IGLL5: variants seen among roughly 807,000 people sequenced by gnomAD.
IGLL5 encodes the protein immunoglobulin lambda-like polypeptide 5.
A neutral mutation model predicts 20.9 loss-of-function variants in IGLL5; 30 were observed. The ratio of observed to expected loss-of-function variants is 1.44; its 90% CI spans 1.07 to 1.95. IGLL5 has a LOEUF of 1.95. Ranked by LOEUF, IGLL5 falls within the 30% of genes most tolerant of loss-of-function variation. The pLI is 0.00. For missense variants in IGLL5, 475 were observed against 270.7 expected, an observed-to-expected ratio of 1.75 and a Z score of -5.30; for synonymous variants, 203 against 117.3, an observed-to-expected ratio of 1.73 and a Z score of -4.72.
At chr22:22,890,398 C>G (rs1327672132) in intron 1 of IGLL5, among the ~76,000 whole-genome samples, 3 of 148,778 alleles carry the variant, frequency 2.0e-5, no homozygotes, top group Non-Finnish European at 1.5e-5. Flanking sequence ...CTGCATATTA[C>G]CAACTTTTAA....
chr22:22,893,928 GACCCTTACC>G, intron 2 of IGLL5, 110 bp downstream of exon 2: 1 of 806,266 alleles, frequency 1.2e-6, no homozygotes, highest in African/African-American at 1.7e-5. Flanking sequence ...CTTAAGCACT[GACCCTTACC>G]TTTCTCCATG....
In IGLL5 at chr22:22,890,312, A is replaced by AACACAC. The variant is rs372346670; in HGVS notation, c.206+2081_206+2086dup. On this transcript the variant is annotated intron_variant, in intron 1 of 2. Transcript: ENST00000526893. ...TCCTGTGTGTGTGTGTGTCCCTGAA[A>AACACAC]ACACACACACACACACACACACACA... Among the ~76,000 whole-genome samples the AACACAC allele has an allele frequency of 2.0e-3, 248 of 123,764 alleles. 2 individuals carry two copies. Among genetic ancestry groups the AACACAC allele is most frequent in the Middle Eastern group, 6.8e-3 (1 of 146 alleles). 81.2% of individuals were successfully genotyped at this position (123,764 alleles called of 152,430 possible). A position where few individuals can be genotyped will look rare whatever the true frequency, so the allele number is the denominator to read the frequency against.
intron 1 of IGLL5, among the ~76,000 whole-genome samples, chr22:22,889,659 C>G (rs2067743083): frequency 6.6e-6 from 1 of 151,412 alleles, no homozygotes; most frequent in African/African-American, 2.4e-5. Context: ...GTGGCCACAG[C>G]TCACTGCAGC....
chr22:22,893,013 T>A, intron 1 of IGLL5, among the ~76,000 whole-genome samples: 1 of 150,690 alleles, frequency 6.6e-6, no homozygotes, highest in East Asian at 2.0e-4. Flanking sequence ...CCAGAGAGAT[T>A]TGAGGGAGAG....
Position 22,895,012 on chromosome 22 carries a change from G to C in IGLL5, c.326-363G>C, listed in dbSNP as rs960093639. Among the ~76,000 whole-genome samples the C allele has an allele frequency of 4.0e-5, 6 of 151,502 alleles. 1 individual carries two copies. In the South Asian group the frequency reaches 6.3e-4, roughly 16 times the overall value. ...TGGAAGAATAAAGTGGGTGATGGAG[G>C]GGGGTATAGGGATGGAAATGAGGGA... On this transcript the variant is annotated intron_variant, in intron 2 of 2. Transcript: ENST00000526893.
Position 22,895,731 on chromosome 22 carries a change from C to G in IGLL5, c.*37C>G, listed in dbSNP as rs1478117851. 1 of 1,602,786 alleles carries G rather than the reference C, an allele frequency of 6.2e-7. No homozygotes were observed. The highest frequency in any genetic ancestry group is 8.5e-7 in the Non-Finnish European group (1 of 1,170,478). Reference sequence around the variant, plus strand: ...TAACCCCACCCACGGGAGCCTGGAGCTGCAGGATCCCAGGGGAGGGGTCTC... The same window carrying G: ...TAACCCCACCCACGGGAGCCTGGAGGTGCAGGATCCCAGGGGAGGGGTCTC... On this transcript the variant is annotated 3_prime_UTR_variant, in exon 3 of 3. Transcript: ENST00000526893.
intron 1 of IGLL5, among the ~76,000 whole-genome samples, chr22:22,892,184 A>G (rs748070884): frequency 2.6e-5 from 4 of 151,288 alleles, no homozygotes; most frequent in Non-Finnish European, 2.9e-5. Context: ...AACTTAATAA[A>G]AGGCTAAATG....
In IGLL5 at chr22:22,894,066, C is replaced by T. The variant is rs557300153; in HGVS notation, c.325+248C>T. 5.3e-5 allele frequency among the ~76,000 whole-genome samples: 8 copies of T among 151,480 alleles called. 1 individual carries two copies. Among genetic ancestry groups the T allele is most frequent in the East Asian group, 2.0e-4 (1 of 4,974 alleles). On this transcript the variant is annotated intron_variant, in intron 2 of 2. Coordinates refer to ENST00000526893, the MANE Select transcript of IGLL5 (RefSeq NM_001178126.2). ...CTGGGATTGGGCAGGGTCAGGGCTC[C>T]TCCTCTCTTCCAGGGCAGATGTCTG...
chr22:22,894,260 A>C (rs2068007683), intron 2 of IGLL5, among the ~76,000 whole-genome samples: 4 of 150,136 alleles, frequency 2.7e-5, no homozygotes, highest in South Asian at 2.1e-4. Flanking sequence ...TAGGCTGAGG[A>C]CTGGATGCCA....
At chr22:22,888,323 A>G (rs187445329) in intron 1 of IGLL5, 64 bp downstream of exon 1, 12 of 1,468,806 alleles carry the variant, frequency 8.2e-6, no homozygotes, top group Admixed American at 6.1e-5. Context: ...AGGGTGACCA[A>G]GGGGAGACAA....
At chr22:22,888,359 ACCCC>A in intron 1 of IGLL5, 100 bp downstream of exon 1, 2 of 1,134,536 alleles carry the variant, frequency 1.8e-6, no homozygotes, top group Non-Finnish European at 2.5e-6. Flanking sequence ...AGGAAGGTTA[ACCCC>A]TAAGAGGGGC....
At position 22,888,124 on chromosome 22, in the gene IGLL5, GGCCCCTGCT is replaced by G. The variant is rs1569078172; in HGVS notation, c.74_82del (p.Pro25_Leu27del). The G allele has an allele frequency of 6.5e-7, 1 of 1,549,726 alleles. No individual in the cohort carries two copies. The highest frequency in any genetic ancestry group is 1.2e-5 in the South Asian group (1 of 83,982). On this transcript the variant is annotated inframe_deletion, in exon 1 of 3. Transcript: ENST00000526893. ...CTGGGCCCTGGTCCCAGGCAGCGCT[GGCCCCTGCT>G]GCTGCTGGGTCTGGCCATGGTCGCC...
intron 1 of IGLL5, among the ~76,000 whole-genome samples, chr22:22,889,115 A>C (rs1601606366): frequency 1.3e-5 from 2 of 151,160 alleles, no homozygotes; most frequent in Admixed American, 6.6e-5. Context: ...TTTTGGAAAA[A>C]TCAGCACCGG....
chr22:22,888,969 C>G (rs184199690), intron 1 of IGLL5, among the ~76,000 whole-genome samples: 1 of 151,218 alleles, frequency 6.6e-6, no homozygotes, highest in Non-Finnish European at 1.5e-5. Context: ...GAGAGGAGAG[C>G]ACAGGATGAG....
chr22:22,889,074 G>C (rs569376144), intron 1 of IGLL5, among the ~76,000 whole-genome samples: 9 of 151,268 alleles, frequency 5.9e-5, no homozygotes, highest in East Asian at 4.1e-4. Flanking sequence ...GATGGATTTA[G>C]GTAGATTGAT....
In IGLL5 at chr22:22,893,924, C is replaced by T. The variant is rs118102969; in HGVS notation, c.325+106C>T. On this transcript the variant is annotated intron_variant, in intron 2 of 2. Coordinates refer to ENST00000526893, the MANE Select transcript of IGLL5 (RefSeq NM_001178126.2). ...TCCCCTCTGTCCTCCCAGCCTTAAG[C>T]ACTGACCCTTACCTTTCTCCATGGG... The T allele has an allele frequency of 7.3e-5, 60 of 825,180 alleles. 1 individual carries two copies. Among genetic ancestry groups the T allele is most frequent in the Middle Eastern group, 4.5e-4 (2 of 4,466 alleles). The allele number at this position is 825,180 out of a possible 1,614,324, so 51.1% of individuals were successfully genotyped here.
At chr22:22,893,913 C>A (rs910277866) in intron 2 of IGLL5, 95 bp downstream of exon 2, 8 of 886,770 alleles carry the variant, frequency 9.0e-6, no homozygotes, top group African/African-American at 1.6e-5. Context: ...CTCTGTCCTC[C>A]CAGCCTTAAG....
intron 1 of IGLL5, among the ~76,000 whole-genome samples, chr22:22,888,852 A>AT (rs2067656406): frequency 6.6e-6 from 1 of 151,234 alleles, no homozygotes; most frequent in African/African-American, 2.4e-5. Flanking sequence ...GTTTGGAGCA[A>AT]TAAAGGGAGA....
At chr22:22,888,944 A>G (rs2067667557) in intron 1 of IGLL5, among the ~76,000 whole-genome samples, 4 of 151,374 alleles carry the variant, frequency 2.6e-5, no homozygotes, top group East Asian at 4.0e-4. Context: ...CCCAAAAGAC[A>G]GAGCAGCGTC....
Sources: allele counts gnomAD v4.1 joint callset (sites outside exome capture counted in the v4.1 genomes callset), GRCh38; gene constraint gnomAD v4.1.1; transcripts MANE v1.5; gene names NCBI Gene and HGNC (gene_info 2026-07-23, HGNC 2026-07-21).